The following CBLB variants were observed in gnomAD, a reference collection of about 807,000 sequenced individuals.
CBLB encodes the protein Cbl proto-oncogene B, also known as E3 ubiquitin-protein ligase CBL-B.
A neutral mutation model predicts 104.9 loss-of-function variants in CBLB; 31 were observed. The ratio of observed to expected loss-of-function variants is 0.30; its 90% confidence interval spans 0.22 to 0.40. The LOEUF is 0.40. Ranked by LOEUF, CBLB falls within the 10% of genes least tolerant of loss-of-function variation. The pLI, the probability that CBLB is intolerant of heterozygous loss-of-function variation, is 1.00. For missense variants in CBLB, 1,062 were observed against 1,214.6 expected, an observed-to-expected ratio of 0.87 and a Z score of 1.87; for synonymous variants, 440 against 422.6, an observed-to-expected ratio of 1.04 and a Z score of -0.51.
chr3:105,658,614 T>G lies in CBLB; in HGVS notation c.*356A>C. The G allele has an allele frequency of 2.6e-6, 1 of 383,534 alleles. No individual in the cohort carries two copies. The highest frequency in any genetic ancestry group is 3.5e-5 in the South Asian group (1 of 28,308). 23.8% of individuals were successfully genotyped at this position (383,534 alleles called of 1,614,324 possible). ...GTCTGTGAAGAACACAGTACAGGTATCAAAACACCAAAACAAAACTAAACT... is the reference window on the plus strand; with the variant it reads ...GTCTGTGAAGAACACAGTACAGGTAGCAAAACACCAAAACAAAACTAAACT... On this transcript the variant is annotated 3_prime_UTR_variant, in exon 19 of 19. Coordinates refer to ENST00000394030, the MANE Select transcript of CBLB (RefSeq NM_170662.5).
chr3:105,832,992 G>A (rs2087804749), intron 3 of CBLB, among the ~76,000 whole-genome samples: 1 of 152,146 alleles, frequency 6.6e-6, no homozygotes, highest in Non-Finnish European at 1.5e-5. Context: ...AGATGTGTTA[G>A]GTAGTTGGAA....
At chr3:105,805,998 T>C (rs949732115) in intron 3 of CBLB, among the ~76,000 whole-genome samples, 11 of 151,152 alleles carry the variant, frequency 7.3e-5, no homozygotes, top group African/African-American at 2.4e-4. Context: ...TAAACCACTA[T>C]GTTCCCACAG....
At chr3:105,687,354 C>T (rs1036983) in intron 13 of CBLB, among the ~76,000 whole-genome samples, 151,789 of 152,266 alleles carry the variant, frequency 1, 75,659 homozygotes, top group East Asian at 1. Context: ...AAATCACATA[C>T]GTTGTGGCTA....
At chr3:105,774,954 C>A (rs908427374) in intron 4 of CBLB, among the ~76,000 whole-genome samples, 1 of 152,148 alleles carries the variant, frequency 6.6e-6, no homozygotes, top group African/African-American at 2.4e-5. Flanking sequence ...AATACATGAA[C>A]TGCAACTACA....
intron 3 of CBLB, chr3:105,839,416 T>C (rs1057483701): frequency 1.3e-5 from 2 of 152,246 alleles, no homozygotes; most frequent in Admixed American, 6.5e-5. Context: ...AGTCATTGAC[T>C]ACCTACCATT....
At chr3:105,777,756 G>A (rs542830781) in intron 3 of CBLB, among the ~76,000 whole-genome samples, 26 of 152,286 alleles carry the variant, frequency 1.7e-4, no homozygotes, top group Non-Finnish European at 2.4e-4. Flanking sequence ...TTAGAATGGA[G>A]ATACAGGTGT....
At chr3:105,832,801 C>A (rs1050939313) in intron 3 of CBLB, among the ~76,000 whole-genome samples, 1 of 152,090 alleles carries the variant, frequency 6.6e-6, no homozygotes, top group African/African-American at 2.4e-5. Context: ...GTACCTACAC[C>A]GTGTTGGAAA....
intron 7 of CBLB, among the ~76,000 whole-genome samples, chr3:105,738,207 A>G (rs2075159851): frequency 6.6e-6 from 1 of 152,192 alleles, no homozygotes. Context: ...GGGTAAAACT[A>G]TAACAAATCT....
intron 18 of CBLB, among the ~76,000 whole-genome samples, chr3:105,659,657 G>C (rs533659395): frequency 1.3e-5 from 2 of 152,324 alleles, no homozygotes; most frequent in East Asian, 1.9e-4. Context: ...TTCTATGAGA[G>C]GAAACTTTGT....
intron 3 of CBLB, among the ~76,000 whole-genome samples, chr3:105,779,361 C>T (rs962320588): frequency 6.6e-6 from 1 of 152,122 alleles, no homozygotes; most frequent in Admixed American, 6.5e-5. Context: ...GTATATGCTT[C>T]TATTTTCTTG....
chr3:105,755,022 T>C (rs1265168144), intron 4 of CBLB, among the ~76,000 whole-genome samples: 46 of 30,940 alleles, frequency 1.5e-3, no homozygotes, highest in East Asian at 9.4e-3. Context: ...TTTTCTTTTT[T>C]TTTTTTTTTT....
chr3:105,767,050 T>C (rs982125597), intron 4 of CBLB, among the ~76,000 whole-genome samples: 23 of 152,192 alleles, frequency 1.5e-4, no homozygotes, highest in African/African-American at 5.5e-4. Context: ...GATATGTAAG[T>C]TTTTATTTTC....
intron 3 of CBLB, among the ~76,000 whole-genome samples, chr3:105,849,882 C>T (rs2090732803): frequency 6.6e-6 from 1 of 152,032 alleles, no homozygotes; most frequent in South Asian, 2.1e-4. Context: ...AGGTCAATGG[C>T]AGAAATACAA....
chr3:105,867,567 G>A lies in CBLB; in HGVS notation c.11C>T (p.Ser4Leu). The change falls in exon 2 of 19, where the codon TCA becomes TTA. Residue 4 changes from serine (S) to leucine (L), a missense_variant. This residue lies in a region of CBLB where 457 missense variants were observed against 632.0 expected (regional missense o/e 0.72). Coordinates refer to ENST00000394030, the MANE Select transcript of CBLB (RefSeq NM_170662.5). The part of the protein sequence containing the change: MAN[S>L]MNGRNPGGRG... ...ACCACCAGGGTTTCTGCCATTCATT[G>A]AGTTTGCCATCTGGAATTTTAGTTC... The A allele has an allele frequency of 6.2e-7, 1 of 1,614,108 alleles. No individual in the cohort carries two copies. The highest frequency in any genetic ancestry group is 8.5e-7 in the Non-Finnish European group (1 of 1,180,014).
rs2079479884 is a variant in CBLB at position 105,776,484 on chromosome 3, T to C, written c.478A>G (p.Ile160Val). 8.1e-6 allele frequency: 13 copies of C among 1,613,742 alleles called. No individual in the cohort carries two copies. Among genetic ancestry groups the C allele is most frequent in the Non-Finnish European group, 1.1e-5 (13 of 1,179,892 alleles). ...CCCTGGAATTGACCATTGGGAAAGA[T>C]TGCTTTGATTTCTGCCAGCATGTGA... The part of the protein sequence containing the change: ...FSHMLAEIKA[I>V]FPNGQFQGDN... The change falls in exon 4 of 19, where the codon ATC becomes GTC. Residue 160 changes from isoleucine to valine, a missense_variant. By Grantham distance (29) the Ile-to-Val change is conservative. Transcript: ENST00000394030.
chr3:105,675,313 T>A (rs1413412938), intron 17 of CBLB, among the ~76,000 whole-genome samples: 1 of 152,206 alleles, frequency 6.6e-6, no homozygotes, highest in East Asian at 1.9e-4. Context: ...CCTTTTATAA[T>A]TCTAAAACTA....
At chr3:105,697,290 T>C (rs1238213171) in intron 12 of CBLB, among the ~76,000 whole-genome samples, 2 of 152,006 alleles carry the variant, frequency 1.3e-5, no homozygotes, top group African/African-American at 4.8e-5. Context: ...TAGAGTAATA[T>C]TTCTCTAAAT....
At chr3:105,730,031 C>A (rs904172304) in intron 9 of CBLB, among the ~76,000 whole-genome samples, 2 of 151,876 alleles carry the variant, frequency 1.3e-5, no homozygotes, top group African/African-American at 4.8e-5. Context: ...AGTAAGATCC[C>A]ACTGAGATAC....
intron 3 of CBLB, among the ~76,000 whole-genome samples, chr3:105,827,457 C>T (rs1165161525): frequency 1.3e-5 from 2 of 151,994 alleles, no homozygotes; most frequent in Non-Finnish European, 2.9e-5. Context: ...AACTCATAAA[C>T]TCCCCAAGCA....
Sources: allele counts gnomAD v4.1 joint callset (sites outside exome capture counted in the v4.1 genomes callset), GRCh38; gene constraint gnomAD v4.1.1; regional missense constraint gnomAD v4.1.1; transcripts MANE v1.5; gene names NCBI Gene and HGNC (gene_info 2026-07-23, HGNC 2026-07-21).